Variants in MAN1A1 observed in about 807,000 individuals in gnomAD.
The protein encoded by MAN1A1 is mannosidase alpha class 1A member 1, also known as mannosyl-oligosaccharide 1,2-alpha-mannosidase IA.
A neutral mutation model predicts 70.8 loss-of-function variants in MAN1A1; 29 were observed. The observed-to-expected ratio is 0.41, with a 90% CI of 0.31 to 0.56. The LOEUF (loss-of-function observed/expected upper bound fraction) is 0.56. Ranked by LOEUF, MAN1A1 falls within the 20% of genes least tolerant of loss-of-function variation. The pLI, the probability that MAN1A1 is intolerant of heterozygous loss-of-function variation, is 0.29. For missense variants in MAN1A1, 747 were observed against 841.3 expected, an observed-to-expected ratio of 0.89 and a Z score of 1.39; for synonymous variants, 349 against 330.1, an observed-to-expected ratio of 1.06 and a Z score of -0.62.
intron 2 of MAN1A1, among the ~76,000 whole-genome samples, chr6:119,318,020 A>G (rs1466922904): frequency 6.6e-6 from 1 of 152,206 alleles, no homozygotes; most frequent in Non-Finnish European, 1.5e-5. Flanking sequence ...TGCTGATAAC[A>G]GTTTTACAAA....
chr6:119,203,789 C>G (rs1014859996), intron 7 of MAN1A1, among the ~76,000 whole-genome samples: 1 of 152,224 alleles, frequency 6.6e-6, no homozygotes, highest in African/African-American at 2.4e-5. Context: ...TTAAGTGGGA[C>G]TTGTCTATCG....
intron 4 of MAN1A1, among the ~76,000 whole-genome samples, chr6:119,296,891 C>T (rs1367271453): frequency 1.3e-5 from 2 of 152,184 alleles, no homozygotes; most frequent in Non-Finnish European, 2.9e-5. Flanking sequence ...GGCTCTGCCT[C>T]TCATACTGAG....
chr6:119,253,186 TC>T (rs1384741087), intron 5 of MAN1A1, among the ~76,000 whole-genome samples: 1 of 152,060 alleles, frequency 6.6e-6, no homozygotes, highest in Non-Finnish European at 1.5e-5. Context: ...GAGAAGAACC[TC>T]CAAAGCACTT....
intron 9 of MAN1A1, among the ~76,000 whole-genome samples, chr6:119,191,656 T>C (rs1043064393): frequency 6.6e-5 from 10 of 152,214 alleles, no homozygotes; most frequent in Admixed American, 1.3e-4. Context: ...TGCCCAGGTA[T>C]CATTTGCCAT....
chr6:119,303,592 G>T (rs988382297), intron 3 of MAN1A1, among the ~76,000 whole-genome samples: 1 of 151,944 alleles, frequency 6.6e-6, no homozygotes, highest in African/African-American at 2.4e-5. Flanking sequence ...GAACATTTAC[G>T]TAACTGTATA....
At chr6:119,296,536 T>C (rs908482280) in intron 4 of MAN1A1, among the ~76,000 whole-genome samples, 29 of 152,172 alleles carry the variant, frequency 1.9e-4, no homozygotes, top group Admixed American at 1.9e-3. Context: ...ACTTCTTTCA[T>C]ACTCTATGGC....
chr6:119,329,668 A>C (rs959227592), intron 2 of MAN1A1, among the ~76,000 whole-genome samples: 1 of 152,190 alleles, frequency 6.6e-6, no homozygotes, highest in Non-Finnish European at 1.5e-5. Flanking sequence ...GCCGGCTCCA[A>C]CTGTGTGCTC....
intron 8 of MAN1A1, 34 bp from the exon 9 acceptor site, chr6:119,193,926 T>G (rs1412416096): frequency 1.4e-6 from 2 of 1,407,054 alleles, no homozygotes; most frequent in Non-Finnish European, 2.0e-6. Context: ...TTAGAGTGAT[T>G]CAGCTTTTAA....
At chr6:119,236,211 T>C (rs982116321) in intron 6 of MAN1A1, among the ~76,000 whole-genome samples, 1 of 151,864 alleles carries the variant, frequency 6.6e-6, no homozygotes, top group African/African-American at 2.4e-5. Flanking sequence ...GCCTGGATGA[T>C]AGCACATATA....
chr6:119,312,643 G>C (rs1039726663), intron 2 of MAN1A1, among the ~76,000 whole-genome samples: 1 of 152,110 alleles, frequency 6.6e-6, no homozygotes, highest in African/African-American at 2.4e-5. Context: ...TACTAAGGCC[G>C]GTCTATCACA....
intron 5 of MAN1A1, among the ~76,000 whole-genome samples, chr6:119,251,253 C>CT (rs947041626): frequency 6.6e-6 from 1 of 152,164 alleles, no homozygotes; most frequent in African/African-American, 2.4e-5. Context: ...ATGATAATGA[C>CT]TTCCTGTGTT....
intron 3 of MAN1A1, among the ~76,000 whole-genome samples, chr6:119,302,690 T>G (rs1482941361): frequency 6.6e-6 from 1 of 152,188 alleles, no homozygotes; most frequent in Non-Finnish European, 1.5e-5. Flanking sequence ...TGTGATTGCA[T>G]TCTCTAGCAA....
In MAN1A1 at chr6:119,184,009, A is replaced by C. The variant is rs143788587; in HGVS notation, c.1720-3582T>G. ...AAGTTTTTGGTAAATTAAAAAAAAAAAATTTTTTTTTAAAGGAAAAGCACC... is the reference window on the plus strand; with the variant it reads ...AAGTTTTTGGTAAATTAAAAAAAAACAATTTTTTTTTAAAGGAAAAGCACC... On this transcript the variant is annotated intron_variant, in intron 11 of 12. Coordinates refer to ENST00000368468, the MANE Select transcript of MAN1A1 (RefSeq NM_005907.4). 6.0e-3 allele frequency among the ~76,000 whole-genome samples: 919 copies of C among 152,160 alleles called. 13 individuals are homozygous for C. Among genetic ancestry groups the C allele is most frequent in the African/African-American group, 0.021 (861 of 41,516 alleles).
At chr6:119,247,620 C>G (rs530229512) in intron 6 of MAN1A1, among the ~76,000 whole-genome samples, 4 of 152,258 alleles carry the variant, frequency 2.6e-5, no homozygotes, top group African/African-American at 9.6e-5. Context: ...ACCAGAAAGT[C>G]TGTTCAGCCT....
At chr6:119,227,017 T>C (rs868498534) in intron 6 of MAN1A1, among the ~76,000 whole-genome samples, 3 of 152,114 alleles carry the variant, frequency 2.0e-5, no homozygotes, top group Non-Finnish European at 4.4e-5. Context: ...CACTGAAAAT[T>C]AGAGATAACA....
chr6:119,260,063 T>C (rs1775565709), intron 5 of MAN1A1, among the ~76,000 whole-genome samples: 1 of 152,210 alleles, frequency 6.6e-6, no homozygotes, highest in South Asian at 2.1e-4. Context: ...TTAATCTACA[T>C]TGTATACAAC....
intron 6 of MAN1A1, among the ~76,000 whole-genome samples, chr6:119,217,749 C>T (rs1302276700): frequency 2.0e-5 from 3 of 152,042 alleles, no homozygotes; most frequent in Non-Finnish European, 4.4e-5. Context: ...ACACTGTATC[C>T]CTACCCCATT....
intron 11 of MAN1A1, among the ~76,000 whole-genome samples, chr6:119,187,593 G>A (rs1773325527): frequency 6.6e-6 from 1 of 152,214 alleles, no homozygotes; most frequent in Admixed American, 6.5e-5. Flanking sequence ...TTTCCTGAGA[G>A]AAGTCATTCC....
At chr6:119,237,719 C>A (rs1363030300) in intron 6 of MAN1A1, among the ~76,000 whole-genome samples, 1 of 152,152 alleles carries the variant, frequency 6.6e-6, no homozygotes, top group Non-Finnish European at 1.5e-5. Flanking sequence ...CTCAGCTCCT[C>A]AACTTTCTAG....
Sources: gnomAD v4.1 joint callset for allele counts (sites outside exome capture counted in the v4.1 genomes callset) on GRCh38, gnomAD v4.1.1 for gene constraint, MANE v1.5 for transcripts, NCBI Gene and HGNC (gene_info 2026-07-23, HGNC 2026-07-21) for gene names.